Variants in PRKCB observed in about 807,000 individuals in gnomAD.
PRKCB encodes the protein protein kinase C beta type.
In PRKCB, 13 loss-of-function variants were observed where a neutral mutation model predicts 81.5. The observed-to-expected ratio is 0.16, with a 90% confidence interval of 0.10 to 0.25. PRKCB has a LOEUF of 0.25. Among genes scored for constraint, PRKCB ranks in the 10% least tolerant of loss-of-function variants. The pLI, the probability that PRKCB is intolerant of heterozygous loss-of-function variation, is 1.00. For missense variants in PRKCB, 509 were observed against 875.7 expected (o/e 0.58, Z 5.29); for synonymous variants, 335 against 321.4 (o/e 1.04, Z -0.45).
chr16:23,860,066 G>C (rs1258521930), intron 2 of PRKCB, among the ~76,000 whole-genome samples: 1 of 152,150 alleles, frequency 6.6e-6, no homozygotes, highest in Non-Finnish European at 1.5e-5. Flanking sequence ...CAGAAAAAAA[G>C]AGGAATTAGA....
intron 3 of PRKCB, among the ~76,000 whole-genome samples, chr16:24,008,006 C>CAAAAAA (rs10695120): frequency 6.9e-5 from 10 of 143,910 alleles, no homozygotes; most frequent in African/African-American, 1.0e-4. Context: ...TATTCTTTTT[C>CAAAAAA]AAAAAAAAAA....
At chr16:23,862,610 T>G (rs953200816) in intron 2 of PRKCB, among the ~76,000 whole-genome samples, 1 of 152,198 alleles carries the variant, frequency 6.6e-6, no homozygotes, top group Non-Finnish European at 1.5e-5. Flanking sequence ...TTTTTTTCGT[T>G]GAGAGTTTTT....
chr16:23,884,032 T>C (rs1963162716), intron 2 of PRKCB, among the ~76,000 whole-genome samples: 1 of 152,178 alleles, frequency 6.6e-6, no homozygotes, highest in Admixed American at 6.5e-5. Context: ...CTTCCCCGCA[T>C]AGCAAGTCTT....
chr16:23,930,260 T>C (rs1963952205), intron 2 of PRKCB, among the ~76,000 whole-genome samples: 1 of 151,968 alleles, frequency 6.6e-6, no homozygotes, highest in African/African-American at 2.4e-5. Context: ...GGTGAGTTAT[T>C]TTTTTCCCTA....
chr16:24,131,325 A>C (rs1966853109), intron 9 of PRKCB, among the ~76,000 whole-genome samples: 1 of 152,206 alleles, frequency 6.6e-6, no homozygotes, highest in African/African-American at 2.4e-5. Context: ...GACTTCCCTA[A>C]AATAATCCCA....
chr16:23,959,578 G>T (rs1382387389), intron 2 of PRKCB, among the ~76,000 whole-genome samples: 3 of 152,216 alleles, frequency 2.0e-5, no homozygotes, highest in Non-Finnish European at 4.4e-5. Flanking sequence ...CTTCTGCACA[G>T]AAATAGATAC....
chr16:24,040,434 A>G (rs980765957), intron 5 of PRKCB, among the ~76,000 whole-genome samples: 3 of 152,110 alleles, frequency 2.0e-5, no homozygotes, highest in Non-Finnish European at 2.9e-5. Context: ...TTTACCATCT[A>G]ATAAGCTTCC....
chr16:24,017,688 A>G (rs1965296801), intron 3 of PRKCB, among the ~76,000 whole-genome samples: 1 of 152,230 alleles, frequency 6.6e-6, no homozygotes, highest in Admixed American at 6.5e-5. Flanking sequence ...CTTGAATTTT[A>G]AAACAGGCAA....
At chr16:24,138,845 C>CTTTATTTTTTT (rs1966875895) in intron 9 of PRKCB, among the ~76,000 whole-genome samples, 1 of 78,848 alleles carries the variant, frequency 1.3e-5, no homozygotes, top group Non-Finnish European at 2.3e-5. Flanking sequence ...CAGTATTTGT[C>CTTTATTTTTTT]TTTTTTTTTT....
At chr16:24,106,921 TTCC>T (rs1325167944) in intron 7 of PRKCB, among the ~76,000 whole-genome samples, 1 of 151,768 alleles carries the variant, frequency 6.6e-6, no homozygotes, top group Non-Finnish European at 1.5e-5. Context: ...TGTTGCAACG[TTCC>T]TCCTCCTCCT....
intron 16 of PRKCB, among the ~76,000 whole-genome samples, chr16:24,212,021 G>C (rs904958561): frequency 6.6e-6 from 1 of 152,162 alleles, no homozygotes; most frequent in Non-Finnish European, 1.5e-5. Context: ...CACTCCTCCA[G>C]CAACTGAAGT....
intron 7 of PRKCB, among the ~76,000 whole-genome samples, chr16:24,110,812 G>A (rs1171818760): frequency 1.3e-5 from 2 of 152,032 alleles, no homozygotes; most frequent in Admixed American, 6.5e-5. Flanking sequence ...GAGCCACCAC[G>A]ACGACCTGTT....
intron 3 of PRKCB, among the ~76,000 whole-genome samples, chr16:24,000,839 A>T (rs1450048512): frequency 6.6e-6 from 1 of 152,232 alleles, no homozygotes; most frequent in Non-Finnish European, 1.5e-5. Flanking sequence ...CTAAGAAAAG[A>T]ACTCAAACTT....
intron 9 of PRKCB, 134 bp downstream of exon 9, chr16:24,124,115 T>C: frequency 5.7e-6 from 6 of 1,056,270 alleles, no homozygotes; most frequent in Non-Finnish European, 8.4e-6. Flanking sequence ...CTACACTTTG[T>C]AATGAATACC....
At chr16:24,174,687 A>G in intron 12 of PRKCB, 107 bp downstream of exon 12, 1 of 1,054,804 alleles carries the variant, frequency 9.5e-7, no homozygotes, top group Non-Finnish European at 1.4e-6. Flanking sequence ...GTGGGGGAGG[A>G]ATCCTCCAGA....
At chr16:23,871,777 C>G (rs1251838986) in intron 2 of PRKCB, among the ~76,000 whole-genome samples, 1 of 151,394 alleles carries the variant, frequency 6.6e-6, no homozygotes, top group Non-Finnish European at 1.5e-5. Flanking sequence ...AGGGTTTCAT[C>G]ATGTTGGTCT....
In PRKCB at chr16:24,217,670, G is replaced by A; in HGVS notation, c.*2854G>A. 1 of 985,580 alleles carries A rather than the reference G, an allele frequency of 1.0e-6. No homozygotes were observed. 61.1% of individuals were successfully genotyped at this position (985,580 alleles called of 1,614,324 possible). A position where few individuals can be genotyped will look rare whatever the true frequency, so the allele number is the denominator to read the frequency against. On this transcript the variant is annotated 3_prime_UTR_variant, in exon 17 of 17. Transcript: ENST00000643927. ...AGCCATCACCAGCACAACAAACGGG[G>A]CAGGGCTTTCCAAGGTGGGGCTGGT...
At chr16:24,004,585 G>A (rs759690329) in intron 3 of PRKCB, among the ~76,000 whole-genome samples, 24 of 152,088 alleles carry the variant, frequency 1.6e-4, no homozygotes, top group Non-Finnish European at 3.4e-4. Context: ...AGCCTGGGAG[G>A]TGGAGGCTGC....
chr16:24,099,101 A>G (rs1966474111), intron 7 of PRKCB: 2 of 152,238 alleles, frequency 1.3e-5, no homozygotes, highest in Admixed American at 1.3e-4. Flanking sequence ...AATAATAATT[A>G]TAATAACAAT....
Sources: gnomAD v4.1 joint callset for allele counts (sites outside exome capture counted in the v4.1 genomes callset) on GRCh38, gnomAD v4.1.1 for gene constraint, MANE v1.5 for transcripts, NCBI Gene and HGNC (gene_info 2026-07-23, HGNC 2026-07-21) for gene names.